The following SECISBP2 variants were observed in gnomAD, a reference collection of about 807,000 sequenced individuals.
The protein encoded by SECISBP2 is selenocysteine insertion sequence-binding protein 2.
A neutral mutation model predicts 98.2 loss-of-function variants in SECISBP2; 96 were observed. That is an observed-to-expected ratio of 0.98 (90% CI 0.83 to 1.16). The LOEUF is 1.16. SECISBP2 is among the 50% of genes most tolerant of loss of function. The pLI, the probability that SECISBP2 is intolerant of heterozygous loss-of-function variation, is 0.00. For synonymous variants in SECISBP2, 407 were observed against 370.2 expected (o/e 1.10, Z -1.14); for missense variants, 1,046 against 1,022.9 (o/e 1.02, Z -0.31).
At chr9:89,333,647 C>G (rs566549252) in intron 6 of SECISBP2, among the ~76,000 whole-genome samples, 9 of 152,292 alleles carry the variant, frequency 5.9e-5, no homozygotes, top group African/African-American at 2.2e-4. Flanking sequence ...ACGGTTTTAA[C>G]TCCATAGACA....
At chr9:89,363,777 T>C (rs1331625192), downstream of SECISBP2, 1 of 1,613,806 alleles carries the variant, frequency 6.2e-7, no homozygotes, top group Middle Eastern at 1.6e-4. Context: ...TTCGAAGTCT[T>C]GTTCCCTGCT....
chr9:89,349,985 G>A (rs1831026507), intron 13 of SECISBP2, 56 bp downstream of exon 13: 2 of 1,593,106 alleles, frequency 1.3e-6, no homozygotes, highest in Admixed American at 1.7e-5. Context: ...CTTCGGTTCA[G>A]TATGGCATTG....
chr9:89,325,793 C>T (rs1025819737), intron 3 of SECISBP2, 104 bp from the exon 4 acceptor site: 48 of 1,588,394 alleles, frequency 3.0e-5, no homozygotes, highest in Non-Finnish European at 4.0e-5. Context: ...TTGTATTTAA[C>T]CTTTTAAAAA....
In SECISBP2 at chr9:89,319,585, CT is replaced by C. The variant is rs1221066516; in HGVS notation, c.37-62del. 6 of 1,577,696 alleles carry C rather than the reference CT, an allele frequency of 3.8e-6. No homozygotes were observed. In the East Asian group the frequency reaches 1.1e-4, roughly 29 times the overall value. ...GGGCTATTAGGAACACCTCTTGGGT[CT>C]TTTTGTTTGTTTATATTTGCTTGAT... On this transcript the variant is annotated intron_variant, in intron 1 of 16. Transcript: ENST00000375807.
Position 89,325,612 on chromosome 9 carries a change from A to G in SECISBP2, c.368A>G (p.Gln123Arg), listed in dbSNP as rs1826560924. The change falls in exon 3 of 17, where the codon CAA becomes CGA. Residue 123 changes from glutamine (Q) to arginine (R), a missense_variant. Transcript: ENST00000375807. Reference protein sequence around the residue: ...YNQPSCYRGFQTVKHRNENTC... With the variant: ...YNQPSCYRGFRTVKHRNENTC... ...CAACCCAGTTGTTACCGAGGTTTTC[A>G]AACAGTGAAGCATCGAAATGAGAAC... The G allele has an allele frequency of 1.2e-6, 2 of 1,614,058 alleles. No homozygotes were observed. Among genetic ancestry groups the G allele is most frequent in the Non-Finnish European group, 1.7e-6 (2 of 1,180,042 alleles).
At chr9:89,366,554 T>TC in the SECISBP2 span, among the ~76,000 whole-genome samples, 1 of 152,212 alleles carries the variant, frequency 6.6e-6, no homozygotes, top group Non-Finnish European at 1.5e-5. Flanking sequence ...ATTTGTTTTT[T>TC]CCCACTCAAA....
downstream of SECISBP2, chr9:89,360,943 A>G (rs1368138741): frequency 6.6e-6 from 1 of 152,220 alleles, no homozygotes; most frequent in East Asian, 1.9e-4. Flanking sequence ...TGAAATCCAG[A>G]CTTCAGGAGA....
chr9:89,349,731 A>G, intron 12 of SECISBP2, 45 bp from the exon 13 acceptor site: 1 of 1,611,262 alleles, frequency 6.2e-7, no homozygotes, highest in Non-Finnish European at 8.5e-7. Context: ...CAGTGTGTGC[A>G]CTGGGCCTCA....
intron 14 of SECISBP2, among the ~76,000 whole-genome samples, chr9:89,355,820 CT>C (rs1831981272): frequency 6.6e-6 from 1 of 152,170 alleles, no homozygotes; most frequent in African/African-American, 2.4e-5. Context: ...CTAGGATCTT[CT>C]CCCTAACTAA....
Position 89,328,805 on chromosome 9 carries a change from C to T in SECISBP2, c.720C>T (p.Pro240=), listed in dbSNP as rs777436493. 6.2e-7 allele frequency: 1 copy of T among 1,614,168 alleles called. No individual in the cohort carries two copies. Among genetic ancestry groups the T allele is most frequent in the Non-Finnish European group, 8.5e-7 (1 of 1,180,020 alleles). Residue 240 remains proline (P), a synonymous_variant, in exon 5 of 17, where the codon CCC becomes CCT. Transcript: ENST00000375807. ...ENNMSEIQKQ[P]KWGPVHSVST... ...ATATGTCAGAGATACAGAAGCAACCCAAGTGGGGACCTGTCCACTCTGTCT... is the reference window on the plus strand; with the variant it reads ...ATATGTCAGAGATACAGAAGCAACCTAAGTGGGGACCTGTCCACTCTGTCT...
In SECISBP2 at chr9:89,348,210, G is replaced by A. The variant is rs1210741695; in HGVS notation, c.1734G>A (p.Leu578=). 9.9e-6 allele frequency: 16 copies of A among 1,614,106 alleles called. No individual in the cohort carries two copies. Among genetic ancestry groups the A allele is most frequent in the East Asian group, 2.2e-5 (1 of 44,900 alleles). The change falls in exon 12 of 17, where the codon CTG becomes CTA. Residue 578 remains leucine (L), a synonymous_variant. Transcript: ENST00000375807. ...ACCAGTTTCCCGAGCAGGCAGAGCTGTCAGGTACCAACTTCTCTTTGTGCC... is the reference window on the plus strand; with the variant it reads ...ACCAGTTTCCCGAGCAGGCAGAGCTATCAGGTACCAACTTCTCTTTGTGCC... ...GDDQFPEQAE[L]SGPEGMDELI...
chr9:89,349,658 T>C, intron 12 of SECISBP2, 118 bp from the exon 13 acceptor site: 6 of 1,071,104 alleles, frequency 5.6e-6, no homozygotes, highest in Non-Finnish European at 1.4e-6. Flanking sequence ...ATGTTGTCTG[T>C]GAATGTGGTG....
chr9:89,364,252 C>G, downstream of SECISBP2: 1 of 469,428 alleles, frequency 2.1e-6, no homozygotes, highest in Non-Finnish European at 3.9e-6. Flanking sequence ...TGGTTTCTTA[C>G]AGAATGGTTC....
At chr9:89,363,470 C>T, downstream of SECISBP2, 1 of 1,614,066 alleles carries the variant, frequency 6.2e-7, no homozygotes, top group Non-Finnish European at 8.5e-7. Context: ...GTCGTGCTCC[C>T]CAGCCACAGC....
At chr9:89,361,531 T>A (rs1564471143), downstream of SECISBP2, 1 of 152,202 alleles carries the variant, frequency 6.6e-6, no homozygotes, top group East Asian at 1.9e-4. Flanking sequence ...AGTGACACAG[T>A]CTTCAGAGAT....
intron 12 of SECISBP2, among the ~76,000 whole-genome samples, chr9:89,349,261 G>C (rs1160645613): frequency 6.6e-6 from 1 of 152,206 alleles, no homozygotes; most frequent in African/African-American, 2.4e-5. Context: ...GGGACAGTAA[G>C]CTATCACTGC....
intron 14 of SECISBP2, among the ~76,000 whole-genome samples, chr9:89,352,792 G>T (rs1831480002): frequency 6.7e-6 from 1 of 148,820 alleles, no homozygotes; most frequent in South Asian, 2.1e-4. Context: ...TTTTACTTCT[G>T]ATATTATTTT....
At chr9:89,333,680 C>T (rs1167226425) in intron 6 of SECISBP2, among the ~76,000 whole-genome samples, 2 of 152,228 alleles carry the variant, frequency 1.3e-5, no homozygotes, top group African/African-American at 4.8e-5. Flanking sequence ...ATGGGAGCCT[C>T]CTGCCACACT....
intron 10 of SECISBP2, among the ~76,000 whole-genome samples, chr9:89,344,019 A>T (rs1378823996): frequency 6.6e-6 from 1 of 152,118 alleles, no homozygotes; most frequent in African/African-American, 2.4e-5. Flanking sequence ...ATTCTGACTG[A>T]TGTGAGATGG....
Sources: gnomAD v4.1 joint callset for allele counts (sites outside exome capture counted in the v4.1 genomes callset) on GRCh38, gnomAD v4.1.1 for gene constraint, MANE v1.5 for transcripts, NCBI Gene and HGNC (gene_info 2026-07-23, HGNC 2026-07-21) for gene names.